Variants in EZH1 observed in about 807,000 individuals in gnomAD.
The protein encoded by EZH1 is histone-lysine N-methyltransferase EZH1.
In EZH1, 33 loss-of-function variants were observed where a neutral mutation model predicts 100.5. That is an observed-to-expected ratio of 0.33 (90% CI 0.25 to 0.44). The LOEUF (loss-of-function observed/expected upper bound fraction) is 0.44, where lower values mean the gene tolerates loss of function less well. EZH1 is among the 20% of genes least tolerant of loss of function. The pLI, the probability that EZH1 is intolerant of heterozygous loss-of-function variation, is 1.00. For missense variants in EZH1, 475 were observed against 928.4 expected, an observed-to-expected ratio of 0.51 and a Z score of 6.35; for synonymous variants, 272 against 313.8, an observed-to-expected ratio of 0.87 and a Z score of 1.41.
chr17:42,713,493 T>A, intron 10 of EZH1, 104 bp from the exon 11 acceptor site: 1 of 1,083,666 alleles, frequency 9.2e-7, no homozygotes, highest in Non-Finnish European at 1.3e-6. Flanking sequence ...ACAATAATAG[T>A]GTCTTTTCTT....
rs545979363 is a variant in EZH1 at position 42,705,399 on chromosome 17, T to G, written c.1840-216A>C. Among the ~76,000 whole-genome samples, 5 of 152,324 alleles carry G rather than the reference T, an allele frequency of 3.3e-5. No individual in the cohort carries two copies. In the South Asian group the frequency reaches 1.0e-3, roughly 32 times the overall value. Reference sequence around the variant, plus strand: ...CGGAAATAGGATATCTCTTCCTTTATCCATGGAGCCCTCCTGGGCCTTAGT... The same window carrying G: ...CGGAAATAGGATATCTCTTCCTTTAGCCATGGAGCCCTCCTGGGCCTTAGT... On this transcript the variant is annotated intron_variant, in intron 16 of 20. Transcript: ENST00000428826.
At chr17:42,713,469 T>G (rs1597833699) in intron 10 of EZH1, 80 bp from the exon 11 acceptor site, 1 of 1,310,236 alleles carries the variant, frequency 7.6e-7, no homozygotes, top group South Asian at 1.7e-5. Context: ...CTTTCATCTT[T>G]ACAACATCTG....
At position 42,700,408 on chromosome 17, in the gene EZH1, G is replaced by T; in HGVS notation, c.*2124C>A. ...CTTGCCCCATCCATCATGACGTGGT[G>T]GGGAGGGGTTGAGACCCATCTTTAA... On this transcript the variant is annotated 3_prime_UTR_variant, in exon 21 of 21. Transcript: ENST00000428826. 1 of 152,912 alleles carries T rather than the reference G, an allele frequency of 6.5e-6. No homozygotes were observed. The highest frequency in any genetic ancestry group is 1.9e-4 in the East Asian group (1 of 5,318). 9.5% of individuals were successfully genotyped at this position (152,912 alleles called of 1,614,324 possible). A position where few individuals can be genotyped will look rare whatever the true frequency, so the allele number is the denominator to read the frequency against.
rs1370164627 is a variant in EZH1, at chr17:42,713,384, T to C, written c.1029A>G (p.Gly343=). ...CGTDCFLLLE[G]AKEYAMLHNP... ...TGTGGAGCATGGCATACTCCTTTGC[T>C]CCTTCCTGCAGTGGACACATTACAG... The change falls in exon 11 of 21, where the codon GGA becomes GGG. Residue 343 remains glycine (G), a synonymous_variant. Transcript: ENST00000428826. 1.3e-6 allele frequency: 2 copies of C among 1,599,002 alleles called. No individual in the cohort carries two copies. The highest frequency in any genetic ancestry group is 1.7e-6 in the Non-Finnish European group (2 of 1,167,492).
intron 12 of EZH1, among the ~76,000 whole-genome samples, chr17:42,710,782 CTT>C (rs5820471): frequency 5.6e-5 from 6 of 107,570 alleles, no homozygotes; most frequent in Non-Finnish European, 9.4e-5. Context: ...AGGTACGTGG[CTT>C]TTTTTTTTTT....
rs1346285247 is a variant in EZH1 at position 42,705,133 on chromosome 17, C to T, written c.1890G>A (p.Lys630=). 1 of 1,613,656 alleles carries T rather than the reference C, an allele frequency of 6.2e-7. No homozygotes were observed. The highest frequency in any genetic ancestry group is 2.2e-5 in the East Asian group (1 of 44,862). Residue 630 remains lysine (K), a synonymous_variant, in exon 17 of 21, where the codon AAG becomes AAA. Transcript: ENST00000428826. ...TGAATTCGTTCTTCTGCACAGACTC[C>T]TTTATGAAGGTGCCCCATCCGGCCA... ...SDVAGWGTFI[K]ESVQKNEFIS... is the part of the protein sequence containing the mutation.
rs1221074221 is a variant in EZH1, at chr17:42,745,012, C to G, written c.-104G>C. 2 of 1,273,810 alleles carry G rather than the reference C, an allele frequency of 1.6e-6. No homozygotes were observed. Among genetic ancestry groups the G allele is most frequent in the East Asian group, 6.1e-5 (1 of 16,276 alleles). The allele number at this position is 1,273,810 out of a possible 1,614,324, so 78.9% of individuals were successfully genotyped here. A position where few individuals can be genotyped will look rare whatever the true frequency, so the allele number is the denominator to read the frequency against. ...GCCCAGGCTTGTTTACTCACTCACCCTCCATCCCGAGCCGCGGGTCCCGCT... is the reference window on the plus strand; with the variant it reads ...GCCCAGGCTTGTTTACTCACTCACCGTCCATCCCGAGCCGCGGGTCCCGCT... On this transcript the variant is annotated splice_region_variant and 5_prime_UTR_variant, in exon 1 of 21. Transcript: ENST00000428826.
intron 15 of EZH1, 126 bp downstream of exon 15, chr17:42,707,832 C>A (rs2053390234): frequency 8.5e-7 from 1 of 1,173,914 alleles, no homozygotes; most frequent in South Asian, 1.4e-5. Flanking sequence ...TTTGTAGAAT[C>A]CCTAAAACAC....
chr17:42,702,847 A>C (rs1567981773), intron 20 of EZH1, 30 bp downstream of exon 20: 1 of 1,609,306 alleles, frequency 6.2e-7, no homozygotes, highest in East Asian at 2.2e-5. Context: ...TTCCTGGGCC[A>C]CATCCCAAGG....
At chr17:42,728,200 A>G (rs1255589328) in intron 3 of EZH1, among the ~76,000 whole-genome samples, 11 of 141,366 alleles carry the variant, frequency 7.8e-5, no homozygotes, top group East Asian at 2.1e-4. Context: ...TGCAACCTCT[A>G]TCTCCTGGGT....
chr17:42,740,688 A>G (rs1597872650), intron 1 of EZH1, among the ~76,000 whole-genome samples: 1 of 152,228 alleles, frequency 6.6e-6, no homozygotes, highest in African/African-American at 2.4e-5. Flanking sequence ...ATCTCCTAAC[A>G]GGCTAGAGCC....
intron 6 of EZH1, among the ~76,000 whole-genome samples, chr17:42,722,474 A>G (rs2053729318): frequency 6.6e-6 from 1 of 151,628 alleles, no homozygotes; most frequent in South Asian, 2.1e-4. Context: ...AAAATACAAG[A>G]ATTAGCTGGG....
chr17:42,702,836 A>G (rs1188135819), intron 20 of EZH1, 41 bp downstream of exon 20: 1 of 1,604,156 alleles, frequency 6.2e-7, no homozygotes, highest in Non-Finnish European at 8.5e-7. Flanking sequence ...ACTCTTTCCA[A>G]TTCCTGGGCC....
Position 42,718,135 on chromosome 17 carries a change from G to T in EZH1, c.932-68C>A. Reference sequence around the variant, plus strand: ...TGACAAGATGGGGAGAAACAAAAGTGAATTAGAGAGCTATTGTAGGAGTTA... The same window carrying T: ...TGACAAGATGGGGAGAAACAAAAGTTAATTAGAGAGCTATTGTAGGAGTTA... On this transcript the variant is annotated intron_variant, in intron 9 of 20. Coordinates refer to ENST00000428826, the MANE Select transcript of EZH1 (RefSeq NM_001991.5). This position sits in a 1 kb window ranked among gnomAD's most constrained non-coding sequence, Gnocchi z 4.2. 7.5e-7 allele frequency: 1 copy of T among 1,328,648 alleles called. No homozygotes were observed. Among genetic ancestry groups the T allele is most frequent in the Non-Finnish European group, 1.1e-6 (1 of 929,184 alleles). 82.3% of individuals were successfully genotyped at this position (1,328,648 alleles called of 1,614,324 possible).
At chr17:42,728,985 A>C in intron 2 of EZH1, 33 bp from the exon 3 acceptor site, 1 of 1,533,336 alleles carries the variant, frequency 6.5e-7, no homozygotes, top group Non-Finnish European at 8.8e-7. Context: ...ATAGCATTTT[A>C]TTGCCTGGAA....
intron 5 of EZH1, 147 bp downstream of exon 5, chr17:42,724,158 A>G (rs748619061): frequency 2.2e-5 from 18 of 822,472 alleles, no homozygotes; most frequent in Non-Finnish European, 3.0e-5. Flanking sequence ...TATATTGTTT[A>G]GAGTAAGTAA....
intron 15 of EZH1, among the ~76,000 whole-genome samples, chr17:42,707,238 C>CT (rs2053374674): frequency 6.7e-6 from 1 of 148,804 alleles, no homozygotes; most frequent in African/African-American, 2.5e-5. Flanking sequence ...GGGGCTGTAA[C>CT]TTAAAAAAAA....
At chr17:42,722,742 A>G in intron 6 of EZH1, 53 bp downstream of exon 6, 1 of 1,581,586 alleles carries the variant, frequency 6.3e-7, no homozygotes, top group South Asian at 1.2e-5. Context: ...TGAGGTACCA[A>G]AGAAGAGGCC....
chr17:42,718,467 G>A lies in EZH1; in HGVS notation c.918C>T (p.Asp306=). Residue 306 remains aspartate (D), a synonymous_variant, in exon 9 of 21, where the codon GAC becomes GAT. Transcript: ENST00000428826. This position sits in a 1 kb window ranked among gnomAD's most constrained non-coding sequence, Gnocchi z 4.2. ...AGCCCCACTCACGGTGAAGGAAGCA[G>A]TCGTATTTAAAGCAGCGCCGGCAAA... ...TLFCRRCFKY[D]CFLHPFHATP... 6.2e-7 allele frequency: 1 copy of A among 1,613,780 alleles called. No individual in the cohort carries two copies. Among genetic ancestry groups the A allele is most frequent in the Non-Finnish European group, 8.5e-7 (1 of 1,180,020 alleles).
Sources: allele counts gnomAD v4.1 joint callset (sites outside exome capture counted in the v4.1 genomes callset), GRCh38; gene constraint gnomAD v4.1.1; non-coding constraint Gnocchi (gnomAD v3.1); transcripts MANE v1.5; gene names NCBI Gene and HGNC (gene_info 2026-07-23, HGNC 2026-07-21).